Variants in PTH2R observed in about 807,000 individuals in gnomAD.
PTH2R encodes the protein PTH2 receptor.
A neutral mutation model predicts 60.3 loss-of-function variants in PTH2R; 59 were observed. The ratio of observed to expected loss-of-function variants is 0.98; its 90% confidence interval spans 0.79 to 1.22. The LOEUF (loss-of-function observed/expected upper bound fraction) is 1.22. Among genes scored for constraint, PTH2R ranks in the 50% most tolerant of loss-of-function variants. The pLI is 0.00. For missense variants in PTH2R, 749 were observed against 682.6 expected (o/e 1.10, Z -1.08); for synonymous variants, 256 against 243.8 (o/e 1.05, Z -0.47).
intron 1 of PTH2R, among the ~76,000 whole-genome samples, chr2:208,387,731 T>C (rs1701027785): frequency 6.6e-6 from 1 of 152,266 alleles, no homozygotes; most frequent in South Asian, 2.1e-4. Context: ...GATGTCACAA[T>C]GTTGTAATCT....
intron 1 of PTH2R, among the ~76,000 whole-genome samples, chr2:208,401,113 T>G (rs75067487): frequency 6.6e-6 from 1 of 152,352 alleles, no homozygotes; most frequent in African/African-American, 2.4e-5. Flanking sequence ...CTCAGAAATA[T>G]TGGATGTCTG....
chr2:208,467,564 T>G (rs1219397933), intron 9 of PTH2R, among the ~76,000 whole-genome samples: 1 of 152,222 alleles, frequency 6.6e-6, no homozygotes, highest in Non-Finnish European at 1.5e-5. Flanking sequence ...TACTATATGC[T>G]ACACATGATT....
In PTH2R at chr2:208,472,744, A is replaced by G. The variant is rs145003746; in HGVS notation, c.982-8326A>G. ...CTTCCTTTGTCTCTTAACAAAGTTA[A>G]TCTCCTATATTTTATTAATCATCTG... On this transcript the variant is annotated intron_variant, in intron 9 of 12. Transcript: ENST00000272847. Among the ~76,000 whole-genome samples the G allele has an allele frequency of 5.1e-3, 783 of 152,292 alleles. 4 individuals are homozygous for G. The highest frequency in any genetic ancestry group is 0.017 in the African/African-American group (711 of 41,556).
chr2:208,360,536 C>T (rs1211330133), intron 1 of PTH2R: 3 of 156,956 alleles, frequency 1.9e-5, no homozygotes, highest in South Asian at 1.7e-4. Context: ...GCCGCCCTCT[C>T]GCTCGCTCGG....
At position 208,420,995 on chromosome 2, in the gene PTH2R, T is replaced by C. The variant is rs144048134; in HGVS notation, c.76-7206T>C. 1.0e-3 allele frequency among the ~76,000 whole-genome samples: 155 copies of C among 152,334 alleles called. No homozygotes were observed. The Middle Eastern group carries it at 0.014, about 13-fold the overall frequency. The stretch of plus-strand genomic sequence containing the variant: ...TGGTTTTTTGTCTCTGTAATCATTA[T>C]ATGACTCTTAAAAATTTAACCGTGC... On this transcript the variant is annotated intron_variant, in intron 1 of 12. Transcript: ENST00000272847.
At chr2:208,386,777 G>A (rs991032768) in intron 1 of PTH2R, among the ~76,000 whole-genome samples, 12 of 152,194 alleles carry the variant, frequency 7.9e-5, no homozygotes, top group African/African-American at 2.9e-4. Context: ...AAGGGAGGAA[G>A]TGCCTAAGGA....
At chr2:208,451,069 G>A (rs1342661283) in intron 8 of PTH2R, among the ~76,000 whole-genome samples, 1 of 152,038 alleles carries the variant, frequency 6.6e-6, no homozygotes, top group African/African-American at 2.4e-5. Context: ...AAAATATAAT[G>A]TGAGAAGCAA....
chr2:208,450,835 G>C lies in PTH2R; in HGVS notation c.914+26G>C, dbSNP rs370730125. The C allele has an allele frequency of 1.2e-4, 198 of 1,608,962 alleles. No individual in the cohort carries two copies. The African/African-American group carries it at 2.3e-3, about 19-fold the overall frequency. On this transcript the variant is annotated intron_variant, in intron 8 of 12. Transcript: ENST00000272847. ...GTGAGTGAAAAGGCAGGGGAAACGA[G>C]AGAACCTCAGATGTTCTCAAGACTC...
At chr2:208,476,290 G>A (rs763150112) in intron 9 of PTH2R, among the ~76,000 whole-genome samples, 1 of 151,998 alleles carries the variant, frequency 6.6e-6, no homozygotes, top group Admixed American at 6.5e-5. Flanking sequence ...TAAGAAAAAT[G>A]GATAAAATTT....
At chr2:208,386,552 G>A (rs1701005922) in intron 1 of PTH2R, among the ~76,000 whole-genome samples, 2 of 152,296 alleles carry the variant, frequency 1.3e-5, no homozygotes, top group Admixed American at 6.5e-5. Flanking sequence ...CTGCTAATAT[G>A]CATAATAGTC....
Position 208,428,285 on chromosome 2 carries a change from G to T in PTH2R, c.160G>T (p.Ala54Ser). The change falls in exon 2 of 13, where the codon GCT (alanine) becomes TCT (serine). Residue 54 changes from alanine (A) to serine (S), a missense_variant. Physicochemically the swap from Ala to Ser is moderately conservative, Grantham distance 99. Transcript: ENST00000272847. ...AKVQCELNIT[A>S]QLQEGEGNCF... ...AGTACAATGTGAACTCAACATCACAGCTCAACTCCAGGAGGGAGGTAAAGA... is the reference window on the plus strand; with the variant it reads ...AGTACAATGTGAACTCAACATCACATCTCAACTCCAGGAGGGAGGTAAAGA... 2 of 1,612,396 alleles carry T rather than the reference G, an allele frequency of 1.2e-6. No individual in the cohort carries two copies. The highest frequency in any genetic ancestry group is 1.7e-6 in the Non-Finnish European group (2 of 1,179,158).
In PTH2R at chr2:208,444,517, G is replaced by C. The variant is rs151060242; in HGVS notation, c.700-217G>C. Among the ~76,000 whole-genome samples, 181 of 152,144 alleles carry C rather than the reference G, an allele frequency of 1.2e-3. 1 individual carries two copies. Among genetic ancestry groups the C allele is most frequent in the African/African-American group, 4.0e-3 (165 of 41,536 alleles). On this transcript the variant is annotated intron_variant, in intron 6 of 12. Coordinates refer to ENST00000272847, the MANE Select transcript of PTH2R (RefSeq NM_005048.4). The stretch of plus-strand genomic sequence containing the variant: ...GTGATTTTTTTGGTAACTTCTTAAA[G>C]AAAAAACTTATTTTAAAAATAGAAT...
At chr2:208,365,741 C>CTTT (rs776318745) in intron 1 of PTH2R, among the ~76,000 whole-genome samples, 1 of 126,232 alleles carries the variant, frequency 7.9e-6, no homozygotes. Flanking sequence ...GATGTAAATT[C>CTTT]TTTTTTTTTT....
At chr2:208,490,002 G>T (rs1348955010) in intron 11 of PTH2R, among the ~76,000 whole-genome samples, 2 of 152,122 alleles carry the variant, frequency 1.3e-5, no homozygotes, top group African/African-American at 4.8e-5. Context: ...GAGATACTTT[G>T]TTGAGTTCCT....
intron 1 of PTH2R, among the ~76,000 whole-genome samples, chr2:208,414,582 T>C (rs1327461966): frequency 2.0e-5 from 3 of 151,942 alleles, no homozygotes; most frequent in African/African-American, 7.2e-5. Context: ...TCTATTAGAA[T>C]ATCTATTAGA....
intron 9 of PTH2R, among the ~76,000 whole-genome samples, chr2:208,461,916 T>C (rs1702642772): frequency 1.3e-5 from 2 of 152,258 alleles, no homozygotes; most frequent in Non-Finnish European, 2.9e-5. Context: ...GATGGCACAC[T>C]CAATAAACTT....
intron 1 of PTH2R, among the ~76,000 whole-genome samples, chr2:208,391,435 C>T (rs1701106466): frequency 6.6e-6 from 1 of 152,096 alleles, no homozygotes. Context: ...GGTCCTTGGG[C>T]CTGTGTTAAA....
chr2:208,471,785 A>AG (rs1702887281), intron 9 of PTH2R, among the ~76,000 whole-genome samples: 2 of 152,210 alleles, frequency 1.3e-5, no homozygotes, highest in African/African-American at 4.8e-5. Context: ...TCCACCAACA[A>AG]CTTGCACCAT....
chr2:208,490,575 C>T, intron 11 of PTH2R, 64 bp from the exon 12 acceptor site: 1 of 1,542,082 alleles, frequency 6.5e-7, no homozygotes, highest in African/African-American at 1.4e-5. Context: ...CATTTTGGCA[C>T]AAGATGCTTA....
Sources: allele counts gnomAD v4.1 joint callset (sites outside exome capture counted in the v4.1 genomes callset), GRCh38; gene constraint gnomAD v4.1.1; transcripts MANE v1.5; gene names NCBI Gene and HGNC (gene_info 2026-07-23, HGNC 2026-07-21).